Variants in NDUFA10 observed in about 807,000 individuals in gnomAD.
NDUFA10 encodes the protein NADH:ubiquinone oxidoreductase subunit A10, also known as NADH dehydrogenase [ubiquinone] 1 alpha subcomplex subunit 10, mitochondrial.
NDUFA10 carries 40 observed loss-of-function variants against 47.8 expected under a neutral mutation model. The ratio of observed to expected loss-of-function variants is 0.84; its 90% CI spans 0.65 to 1.09. The LOEUF is 1.09. Among genes scored for constraint, NDUFA10 ranks in the 50% least tolerant of loss-of-function variants. NDUFA10 has a pLI of 0.00. For synonymous variants in NDUFA10, 183 were observed against 172.2 expected, an observed-to-expected ratio of 1.06 and a Z score of -0.49; for missense variants, 413 against 451.1, an observed-to-expected ratio of 0.92 and a Z score of 0.76.
At chr2:239,943,057 G>A (rs1694387199) in intron 4 of NDUFA10, 1 of 154,420 alleles carries the variant, frequency 6.5e-6, no homozygotes, top group Admixed American at 6.5e-5. Context: ...TCATCACAGG[G>A]AGAGTGGTGC....
chr2:240,013,276 G>A (rs916387545), intron 5 of NDUFA10: 1 of 152,182 alleles, frequency 6.6e-6, no homozygotes, highest in Admixed American at 6.5e-5. Context: ...ATAATGTGAT[G>A]TCTTTTATAA....
At chr2:239,895,724 C>T (rs1430722719) in intron 4 of NDUFA10, among the ~76,000 whole-genome samples, 4 of 152,318 alleles carry the variant, frequency 2.6e-5, no homozygotes, top group South Asian at 2.1e-4. Flanking sequence ...AGAGATTACA[C>T]GATTCCTATT....
Position 240,021,257 on chromosome 2 carries a change from A to C in NDUFA10, c.400T>G (p.Trp134Gly), listed in dbSNP as rs1479920988. ...NDGNSYRLQS[W>G]LYSSRLLQYS... ...TGCAGCAGGCGACTGCTGTACAACC[A>C]GGACTGCAGGCGGTAACTGTTGCCA... The change falls in exon 3 of 10, where the codon TGG becomes GGG. Residue 134 changes from tryptophan to glycine, a missense_variant. By Grantham distance (184) the Trp-to-Gly change is radical (BLOSUM62 -2). Coordinates refer to ENST00000252711, the MANE Select transcript of NDUFA10 (RefSeq NM_004544.4). 1 of 1,614,254 alleles carries C rather than the reference A, an allele frequency of 6.2e-7. No homozygotes were observed. The highest frequency in any genetic ancestry group is 1.1e-5 in the South Asian group (1 of 91,084).
At chr2:239,956,380 G>C (rs1694653428), downstream of NDUFA10, among the ~76,000 whole-genome samples, 1 of 152,242 alleles carries the variant, frequency 6.6e-6, no homozygotes, top group South Asian at 2.1e-4. Flanking sequence ...TCTGGCTGCA[G>C]AGGGGGTAGA....
chr2:239,898,948 T>TGAC lies in NDUFA10; in HGVS notation c.295-3635_295-3634insGTC, dbSNP rs1347307211. Among the ~76,000 whole-genome samples the TGAC allele has an allele frequency of 3.4e-5, 4 of 117,008 alleles. 1 individual carries two copies. The highest frequency in any genetic ancestry group is 6.4e-4 in the South Asian group (2 of 3,122). 76.8% of individuals were successfully genotyped at this position (117,008 alleles called of 152,430 possible). On this transcript the variant is annotated intron_variant, in intron 4 of 5. Transcript: ENST00000419408. ...GATGGAGGGGTGTGACGGAGGGGTG[T>TGAC]GGAGGGGTGTGGCAGGGTGTGATGA...
downstream of NDUFA10, among the ~76,000 whole-genome samples, chr2:239,952,541 G>A (rs965038259): frequency 1.3e-5 from 2 of 152,208 alleles, no homozygotes; most frequent in African/African-American, 4.8e-5. Context: ...CAGCTTCCAG[G>A]TACCCCTGTA....
intron 1 of NDUFA10, 75 bp downstream of exon 1, chr2:240,025,152 A>C: frequency 1.7e-6 from 2 of 1,175,202 alleles, no homozygotes; most frequent in South Asian, 1.8e-5. Context: ...GCCGGGGGAG[A>C]TGTGGAACTG....
chr2:239,943,248 C>G (rs1694390969), intron 4 of NDUFA10, among the ~76,000 whole-genome samples: 1 of 152,252 alleles, frequency 6.6e-6, no homozygotes, highest in African/African-American at 2.4e-5. Context: ...CAGTGGGACT[C>G]AGGCTTGGTG....
intron 4 of NDUFA10, among the ~76,000 whole-genome samples, chr2:239,924,800 T>C (rs1694042379): frequency 6.6e-6 from 1 of 152,102 alleles, no homozygotes; most frequent in African/African-American, 2.4e-5. Context: ...ATGGTATACA[T>C]AGAAATTATC....
chr2:239,993,229 A>C (rs982106635), intron 8 of NDUFA10, among the ~76,000 whole-genome samples: 9 of 152,344 alleles, frequency 5.9e-5, no homozygotes, highest in Middle Eastern at 3.4e-3. Context: ...CTGTGTTTAG[A>C]AAATGACACT....
chr2:239,984,973 C>T (rs1695937679), intron 9 of NDUFA10, among the ~76,000 whole-genome samples: 2 of 152,216 alleles, frequency 1.3e-5, no homozygotes, highest in Admixed American at 6.5e-5. Flanking sequence ...CCTCACAAAA[C>T]GGAAGCCCAG....
intron 4 of NDUFA10, among the ~76,000 whole-genome samples, chr2:239,916,128 C>T (rs1172337446): frequency 1.3e-5 from 2 of 151,530 alleles, no homozygotes; most frequent in Admixed American, 6.6e-5. Context: ...CATACATAGA[C>T]ACACACAAAT....
intron 4 of NDUFA10, among the ~76,000 whole-genome samples, chr2:239,903,047 A>G (rs2106465964): frequency 6.6e-6 from 1 of 152,276 alleles, no homozygotes. Flanking sequence ...CCCGGAACTC[A>G]CATGGGCAAT....
intron 4 of NDUFA10, among the ~76,000 whole-genome samples, chr2:239,952,074 G>A (rs1694564047): frequency 6.6e-6 from 1 of 152,150 alleles, no homozygotes. Context: ...GGTCTGCACA[G>A]GAGCCGCCTG....
intron 4 of NDUFA10, among the ~76,000 whole-genome samples, chr2:239,901,694 T>G (rs1279885952): frequency 1.3e-5 from 2 of 151,750 alleles, no homozygotes; most frequent in African/African-American, 4.8e-5. Context: ...CTCTGATGGA[T>G]CTGGGCAAAG....
At chr2:239,922,386 T>TGCA (rs1325919141) in intron 4 of NDUFA10, among the ~76,000 whole-genome samples, 2 of 152,198 alleles carry the variant, frequency 1.3e-5, no homozygotes, top group African/African-American at 4.8e-5. Context: ...GGCAGTGAGC[T>TGCA]GCAGGCCAAG....
intron 4 of NDUFA10, among the ~76,000 whole-genome samples, chr2:239,904,011 C>T (rs781304524): frequency 6.6e-6 from 1 of 152,036 alleles, no homozygotes; most frequent in Non-Finnish European, 1.5e-5. Context: ...ATGATGCAGG[C>T]GTCTGCCCAT....
At chr2:239,895,047 C>T (rs1056946401) in intron 5 of NDUFA10, among the ~76,000 whole-genome samples, 2 of 152,188 alleles carry the variant, frequency 1.3e-5, no homozygotes, top group African/African-American at 4.8e-5. Context: ...CCTTCACCCC[C>T]ACATCTATCT....
chr2:239,922,464 G>A (rs933949694), intron 4 of NDUFA10, among the ~76,000 whole-genome samples: 6 of 152,182 alleles, frequency 3.9e-5, no homozygotes, highest in African/African-American at 1.4e-4. Flanking sequence ...TCCATGACAG[G>A]TACACAGAGA....
Sources: gnomAD v4.1 joint callset for allele counts (sites outside exome capture counted in the v4.1 genomes callset) on GRCh38, gnomAD v4.1.1 for gene constraint, MANE v1.5 for transcripts, NCBI Gene and HGNC (gene_info 2026-07-23, HGNC 2026-07-21) for gene names.